Variants in ITGAE observed in about 807,000 individuals in gnomAD.
ITGAE encodes integrin alpha-E.
In ITGAE, 99 loss-of-function variants were observed where a neutral mutation model predicts 136.5. The ratio of observed to expected loss-of-function variants is 0.73; its 90% CI spans 0.62 to 0.86. ITGAE has a LOEUF of 0.86. Among genes scored for constraint, ITGAE ranks in the 40% least tolerant of loss-of-function variants. The pLI, the probability that ITGAE is intolerant of heterozygous loss-of-function variation, is 0.00. For missense variants in ITGAE, 1,447 were observed against 1,515.3 expected (o/e 0.95, Z 0.75); for synonymous variants, 613 against 591.8 (o/e 1.04, Z -0.52).
Position 3,748,051 on chromosome 17 carries a change from A to C in ITGAE, c.2026T>G (p.Ser676Ala), listed in dbSNP as rs772053599. The change falls in exon 17 of 31, where the codon TCC becomes GCC. Residue 676 changes from serine (S) to alanine (A), a missense_variant and splice_region_variant. Physicochemically the swap from Ser to Ala is moderately conservative, Grantham distance 99 (BLOSUM62 1). Around this residue, in one of 3 missense-constraint regions of ITGAE, gnomAD observed 1,031 missense variants for 1,011.4 expected, o/e 1.02. Transcript: ENST00000263087. ...GTLGQAVVFR[S>A]RPVVRLKVSM... ...ACCTTCAGGCGAACCACAGGCCGGG[A>C]GCTAAACAAGACAGCAAAGAGGATG... 1.9e-6 allele frequency: 3 copies of C among 1,610,084 alleles called. No individual in the cohort carries two copies. Among genetic ancestry groups the C allele is most frequent in the Non-Finnish European group, 2.5e-6 (3 of 1,177,654 alleles).
In ITGAE at chr17:3,723,717, C is replaced by G. The variant is rs148886930; in HGVS notation, c.3112G>C (p.Glu1038Gln). 2.8e-5 allele frequency: 45 copies of G among 1,605,322 alleles called. No homozygotes were observed. Among genetic ancestry groups the G allele is most frequent in the African/African-American group, 1.1e-4 (8 of 74,842 alleles). ...QASTVCTWSQERACAYSSVQH... is the reference protein window; with the variant it reads ...QASTVCTWSQQRACAYSSVQH... The stretch of plus-strand genomic sequence containing the variant: ...ACCGAACTGTACGCACAAGCGCGCT[C>G]CTGACTCCAGGTGCACACCGTGGAG... Residue 1038 changes from glutamate to glutamine, a missense_variant, in exon 27 of 31, where the codon GAG (glutamate) becomes CAG (glutamine). Physicochemically the swap from Glu to Gln is conservative, Grantham distance 29. This residue lies in a region of ITGAE where 1,031 missense variants were observed against 1,011.4 expected (regional missense o/e 1.02). Coordinates refer to ENST00000263087, the MANE Select transcript of ITGAE (RefSeq NM_002208.5).
Position 3,759,693 on chromosome 17 carries a change from ATC to A in ITGAE, c.715-142_715-141del. The stretch of plus-strand genomic sequence containing the variant: ...GAAAGAGATGCTAAGGCAGAGCAAA[ATC>A]TCTAAGCGAGTAGGGGTGGAGAAGG... On this transcript the variant is annotated intron_variant, in intron 7 of 30. Transcript: ENST00000263087. 4 of 987,656 alleles carry A rather than the reference ATC, an allele frequency of 4.0e-6. No homozygotes were observed. In the South Asian group the frequency reaches 6.3e-5, roughly 15 times the overall value. 61.2% of individuals were successfully genotyped at this position (987,656 alleles called of 1,614,324 possible). A position where few individuals can be genotyped will look rare whatever the true frequency, so the allele number is the denominator to read the frequency against.
chr17:3,743,467 T>A, intron 19 of ITGAE, 22 bp downstream of exon 19: 1 of 1,568,756 alleles, frequency 6.4e-7, no homozygotes, highest in Middle Eastern at 1.7e-4. Context: ...GAGGGCTGGG[T>A]ACTGGCTGTG....
intron 2 of ITGAE, among the ~76,000 whole-genome samples, chr17:3,769,683 C>T (rs2052375272): frequency 6.6e-6 from 1 of 152,136 alleles, no homozygotes; most frequent in Non-Finnish European, 1.5e-5. Context: ...GTATGTTTTT[C>T]GTTGTTTGTT....
rs1378600962 is a variant in ITGAE at position 3,714,843 on chromosome 17, G to A, written c.*4C>T. ...TGATAGCCTCTCCCAGTGGATAGCAGGTCCTAATTCTCTTCTTCGAGCAGA... is the reference window on the plus strand; with the variant it reads ...TGATAGCCTCTCCCAGTGGATAGCAAGTCCTAATTCTCTTCTTCGAGCAGA... On this transcript the variant is annotated 3_prime_UTR_variant, in exon 31 of 31. Transcript: ENST00000263087. 2 of 1,570,018 alleles carry A rather than the reference G, an allele frequency of 1.3e-6. No individual in the cohort carries two copies. The highest frequency in any genetic ancestry group is 1.7e-5 in the Admixed American group (1 of 59,822).
rs2053173331 is a variant in ITGAE at position 3,798,397 on chromosome 17, T to G, written c.34+2714A>C. Reference sequence around the variant, plus strand: ...AGCAACACCAGAGGAGACAATCTCCTGCTCCCACTCACACTTCGCCTCCAT... The same window carrying G: ...AGCAACACCAGAGGAGACAATCTCCGGCTCCCACTCACACTTCGCCTCCAT... On this transcript the variant is annotated intron_variant, in intron 1 of 30. Coordinates refer to ENST00000263087, the MANE Select transcript of ITGAE (RefSeq NM_002208.5). The surrounding 1 kb of genome is among the most constrained non-coding windows in gnomAD (Gnocchi z 4.3). Among the ~76,000 whole-genome samples the G allele has an allele frequency of 6.6e-6, 1 of 152,144 alleles. No individual in the cohort carries two copies. Among genetic ancestry groups the G allele is most frequent in the Non-Finnish European group, 1.5e-5 (1 of 68,000 alleles).
rs759830362 is a variant in ITGAE at position 3,780,151 on chromosome 17, T to TTTTG, written c.35-2495_35-2492dup. Among the ~76,000 whole-genome samples the TTTTG allele has an allele frequency of 4.9e-4, 74 of 151,190 alleles. 1 individual carries two copies. Among genetic ancestry groups the TTTTG allele is most frequent in the Admixed American group, 4.8e-3 (73 of 15,104 alleles). On this transcript the variant is annotated intron_variant, in intron 1 of 30. Coordinates refer to ENST00000263087, the MANE Select transcript of ITGAE (RefSeq NM_002208.5). ...ACCATGCCCGGCTAATTTTTGGTTT[T>TTTTG]TTTGTTTGTTTGTTTATTTGTTTTT...
chr17:3,731,855 T>C (rs1341951888), intron 22 of ITGAE, among the ~76,000 whole-genome samples: 3 of 151,224 alleles, frequency 2.0e-5, no homozygotes, highest in Non-Finnish European at 2.9e-5. Flanking sequence ...GGTGGATCAC[T>C]TGAGGACAGG....
intron 21 of ITGAE, among the ~76,000 whole-genome samples, chr17:3,734,321 T>C (rs576814418): frequency 1.1e-3 from 174 of 152,052 alleles, no homozygotes; most frequent in Non-Finnish European, 1.9e-3. Context: ...GATCCGCCCG[T>C]CTCGGCCTCC....
chr17:3,777,136 A>G (rs1248102547), intron 2 of ITGAE, among the ~76,000 whole-genome samples: 5 of 151,262 alleles, frequency 3.3e-5, no homozygotes, highest in Admixed American at 2.0e-4. Flanking sequence ...AATTTTTTCT[A>G]TTTTTTAGTA....
chr17:3,777,739 C>A, intron 1 of ITGAE, 79 bp from the exon 2 acceptor site: 2 of 1,491,860 alleles, frequency 1.3e-6, no homozygotes, highest in South Asian at 2.5e-5. Context: ...TGTCATGAAC[C>A]CCGTTTTACA....
chr17:3,729,334 C>G, intron 24 of ITGAE, 144 bp downstream of exon 24: 1 of 675,434 alleles, frequency 1.5e-6, no homozygotes, highest in South Asian at 1.6e-5. Context: ...AGATCAATAT[C>G]AGAGCCTGGG....
chr17:3,734,641 C>G (rs1319655900), intron 21 of ITGAE, among the ~76,000 whole-genome samples, 176 bp downstream of exon 21: 2 of 152,140 alleles, frequency 1.3e-5, no homozygotes, highest in African/African-American at 2.4e-5. Context: ...GAATATGGTG[C>G]CTCGGGAGGC....
intron 1 of ITGAE, among the ~76,000 whole-genome samples, chr17:3,794,240 G>A (rs1478276481): frequency 6.6e-6 from 1 of 152,092 alleles, no homozygotes; most frequent in East Asian, 1.9e-4. Context: ...GCCTCCTAAA[G>A]TGCTGGAATT....
intron 9 of ITGAE, 139 bp downstream of exon 9, chr17:3,757,567 A>G: frequency 1.1e-6 from 1 of 939,202 alleles, no homozygotes; most frequent in South Asian, 1.6e-5. Flanking sequence ...ATGACAGAGC[A>G]TGGAGAGAAG....
intron 14 of ITGAE, among the ~76,000 whole-genome samples, chr17:3,752,127 A>G (rs2051887480): frequency 6.6e-6 from 1 of 151,540 alleles, no homozygotes; most frequent in Non-Finnish European, 1.5e-5. Context: ...GTTGCCACCC[A>G]GGATGCACGC....
rs1294371249 is a variant in ITGAE at position 3,725,043 on chromosome 17, C to G, written c.3085-1299G>C. The G allele has an allele frequency of 5.6e-6, 9 of 1,614,124 alleles. No homozygotes were observed. The South Asian group carries it at 9.9e-5, about 18-fold the overall frequency. On this transcript the variant is annotated intron_variant, in intron 26 of 30. Transcript: ENST00000263087. ...GCTGGGAAAAGATTCGTTCCCCACC[C>G]AGGACCTGACTCCTTTACAGAATGT...
chr17:3,760,918 A>G, intron 6 of ITGAE, 95 bp downstream of exon 6: 2 of 1,490,258 alleles, frequency 1.3e-6, no homozygotes, highest in African/African-American at 1.4e-5. Context: ...ACTGCTCCCC[A>G]TCTCTCAGAC....
At chr17:3,740,051 TGTGACATTCCTGG>T (rs1567523531) in intron 19 of ITGAE, among the ~76,000 whole-genome samples, 173 bp from the exon 20 acceptor site, 1 of 152,222 alleles carries the variant, frequency 6.6e-6, no homozygotes, top group Non-Finnish European at 1.5e-5. Flanking sequence ...GAGCAGGGAC[TGTGACATTCCTGG>T]GTGACATTCC....
Sources: gnomAD v4.1 joint callset for allele counts (sites outside exome capture counted in the v4.1 genomes callset) on GRCh38, gnomAD v4.1.1 for gene constraint, gnomAD v4.1.1 regional missense constraint, Gnocchi (gnomAD v3.1) non-coding constraint, MANE v1.5 for transcripts, NCBI Gene and HGNC (gene_info 2026-07-23, HGNC 2026-07-21) for gene names.